The following NHS variants were observed in gnomAD, a reference collection of about 807,000 sequenced individuals.
The protein encoded by NHS is NHS actin remodeling regulator, also known as actin remodeling regulator NHS.
A neutral mutation model predicts 72.5 loss-of-function variants in NHS; 5 were observed. That is an observed-to-expected ratio of 0.07 (90% CI 0.04 to 0.14). The LOEUF is 0.14. Among genes scored for constraint, NHS ranks in the 10% least tolerant of loss-of-function variants. The pLI is 1.00. For synonymous variants in NHS, 464 were observed against 547.7 expected, an observed-to-expected ratio of 0.85 and a Z score of 2.13; for missense variants, 1,072 against 1,355.7, an observed-to-expected ratio of 0.79 and a Z score of 3.29.
chrX:17,447,977 C>G (rs182688257), intron 1 of NHS, among the ~76,000 whole-genome samples: 74 of 111,894 alleles, frequency 6.6e-4, no homozygotes, highest in Middle Eastern at 9.2e-3. Context: ...ATTTCAGAGT[C>G]TTTTAGCTCC....
intron 1 of NHS, among the ~76,000 whole-genome samples, chrX:17,576,420 A>G (rs1371555091): frequency 9.0e-6 from 1 of 111,566 alleles, no homozygotes; most frequent in Non-Finnish European, 1.9e-5. Flanking sequence ...GGCAAATCAC[A>G]TTTTTTCTCA....
chrX:17,531,416 C>T (rs1210020115), intron 1 of NHS, among the ~76,000 whole-genome samples: 1 of 111,335 alleles, frequency 9.0e-6, no homozygotes, highest in African/African-American at 3.3e-5. Context: ...CTCTTCTGCC[C>T]TCTACCCTAA....
At chrX:17,577,311 G>A (rs1415504767) in intron 1 of NHS, among the ~76,000 whole-genome samples, 1 of 111,930 alleles carries the variant, frequency 8.9e-6, no homozygotes, top group Non-Finnish European at 1.9e-5. Context: ...TTGAGAAAAG[G>A]TTCAAATGCA....
At chrX:17,396,853 C>T (rs988752536) in intron 1 of NHS, among the ~76,000 whole-genome samples, 26 of 111,369 alleles carry the variant, frequency 2.3e-4, no homozygotes, top group Admixed American at 1.2e-3. Context: ...GATCATCAGG[C>T]ATCCATACAT....
At chrX:17,461,036 T>C (rs1287114729) in intron 1 of NHS, among the ~76,000 whole-genome samples, 3 of 105,163 alleles carry the variant, frequency 2.9e-5, no homozygotes, top group African/African-American at 1.2e-4. Context: ...ACTGAATTTA[T>C]TGAATACCTA....
chrX:17,653,010 C>G (rs905019986), intron 1 of NHS, among the ~76,000 whole-genome samples: 1 of 111,230 alleles, frequency 9.0e-6, no homozygotes, highest in Non-Finnish European at 1.9e-5. Flanking sequence ...CAGCACAGTA[C>G]CTGGCATCTG....
intron 1 of NHS, among the ~76,000 whole-genome samples, chrX:17,680,364 G>A (rs918180149): frequency 3.6e-5 from 4 of 112,119 alleles, no homozygotes; most frequent in African/African-American, 1.3e-4. Flanking sequence ...TGTGATCTAG[G>A]GTCAAATATT....
chrX:17,380,176 C>T (rs1474691343), intron 1 of NHS, among the ~76,000 whole-genome samples: 1 of 111,434 alleles, frequency 9.0e-6, no homozygotes, highest in East Asian at 2.8e-4. Context: ...GGAGATGTTT[C>T]CAGAACTGGG....
rs909534480 is a variant in NHS, at chrX:17,726,746, C to G, written c.2640C>G (p.His880Gln). ...AACCAAAGATAAGCAGTGGTCAGCA[C>G]CTGCCTCACAGTTCCAGGGAAATGA... ...KKEPKISSGQHLPHSSREMKL... is the reference protein window; with the variant it reads ...KKEPKISSGQQLPHSSREMKL... The change falls in exon 7 of 9, where the codon CAC becomes CAG. Residue 880 changes from histidine (H) to glutamine (Q), a missense_variant. By Grantham distance (24) the His-to-Gln change is conservative. Transcript: ENST00000676302. The G allele has an allele frequency of 8.3e-7, 1 of 1,210,429 alleles. No homozygotes were observed. Among genetic ancestry groups the G allele is most frequent in the Non-Finnish European group, 1.1e-6 (1 of 895,362 alleles).
At chrX:17,402,044 C>A (rs750242327) in intron 1 of NHS, among the ~76,000 whole-genome samples, 21 of 111,596 alleles carry the variant, frequency 1.9e-4, no homozygotes, top group South Asian at 3.8e-4. Flanking sequence ...GATATTACTC[C>A]AAAGAAGACA....
At chrX:17,389,116 A>T (rs1220963296) in intron 1 of NHS, among the ~76,000 whole-genome samples, 1 of 112,101 alleles carries the variant, frequency 8.9e-6, no homozygotes, top group Non-Finnish European at 1.9e-5. Context: ...AAGTGTCCTA[A>T]CTAATACTCT....
chrX:17,502,657 C>G lies in NHS; in HGVS notation c.565+126335C>G, dbSNP rs1333414715. 4.6e-5 allele frequency among the ~76,000 whole-genome samples: 2 copies of G among 43,753 alleles called. 1 individual carries two copies. The highest frequency in any genetic ancestry group is 1.0e-4 in the Non-Finnish European group (2 of 19,486). 38.0% of individuals were successfully genotyped at this position (43,753 alleles called of 115,157 possible). A position where few individuals can be genotyped will look rare whatever the true frequency, so the allele number is the denominator to read the frequency against. On this transcript the variant is annotated intron_variant, in intron 1 of 8. Coordinates refer to ENST00000676302, the MANE Select transcript of NHS (RefSeq NM_001291867.2). The stretch of plus-strand genomic sequence containing the variant: ...ACAAAAAATTAGCCGGGCGTGGTGG[C>G]GGGCGCCTGTAGTCCCAGCTACTCG...
In NHS at chrX:17,711,943, A is replaced by G. The variant is rs1465039763; in HGVS notation, c.853-7401A>G. Among the ~76,000 whole-genome samples the G allele has an allele frequency of 2.7e-5, 3 of 109,734 alleles. No individual in the cohort carries two copies. The Admixed American group carries it at 3.0e-4, about 11-fold the overall frequency. On this transcript the variant is annotated intron_variant, in intron 3 of 8. Transcript: ENST00000676302. ...CTGCTATAAACTTTATAAGTATTTT[A>G]TAAGTATTTTTGTGCAAGTTTTTTG...
At chrX:17,536,819 T>A (rs1028782882) in intron 1 of NHS, among the ~76,000 whole-genome samples, 10 of 112,380 alleles carry the variant, frequency 8.9e-5, no homozygotes, top group Non-Finnish European at 1.9e-4. Flanking sequence ...TTCTTGTTCG[T>A]TGCATGAAAC....
chrX:17,713,278 G>A (rs1304554412), intron 3 of NHS, among the ~76,000 whole-genome samples: 3 of 111,775 alleles, frequency 2.7e-5, no homozygotes, highest in African/African-American at 6.5e-5. Flanking sequence ...CACAGTATGT[G>A]CACAAATGCA....
At chrX:17,707,792 T>A (rs998487996) in intron 3 of NHS, among the ~76,000 whole-genome samples, 1 of 111,305 alleles carries the variant, frequency 9.0e-6, no homozygotes, top group Non-Finnish European at 1.9e-5. Flanking sequence ...TCTCACTGCC[T>A]TGTTTTCTTT....
chrX:17,395,582 G>A (rs1322671315), intron 1 of NHS, among the ~76,000 whole-genome samples: 1 of 111,991 alleles, frequency 8.9e-6, no homozygotes, highest in Non-Finnish European at 1.9e-5. Context: ...AATGAACTGT[G>A]GGGGACCCCA....
At position 17,523,517 on chromosome X, in the gene NHS, AGAGCCGCCAT is replaced by A. The variant is rs1270985533; in HGVS notation, c.565+147199_565+147208del. On this transcript the variant is annotated intron_variant, in intron 1 of 8. Coordinates refer to ENST00000676302, the MANE Select transcript of NHS (RefSeq NM_001291867.2). Reference sequence around the variant, plus strand: ...AGAGCAGATGAGGAAACCGAGGCATAGAGCCGCCATGAGACTCATCCCAAGGCTCCTGACA... The same window carrying A: ...AGAGCAGATGAGGAAACCGAGGCATAGAGACTCATCCCAAGGCTCCTGACA... Among the ~76,000 whole-genome samples, 3 of 112,108 alleles carry A rather than the reference AGAGCCGCCAT, an allele frequency of 2.7e-5. No homozygotes were observed. In the Admixed American group the frequency reaches 2.8e-4, roughly 11 times the overall value.
chrX:17,410,278 T>G (rs1189820693), intron 1 of NHS, among the ~76,000 whole-genome samples: 1 of 111,112 alleles, frequency 9.0e-6, no homozygotes, highest in East Asian at 2.8e-4. Flanking sequence ...ACCACCCTCA[T>G]GTTAGCAACA....
Sources: gnomAD v4.1 joint callset for allele counts (sites outside exome capture counted in the v4.1 genomes callset) on GRCh38, gnomAD v4.1.1 for gene constraint, MANE v1.5 for transcripts, NCBI Gene and HGNC (gene_info 2026-07-23, HGNC 2026-07-21) for gene names.